MAK: variants seen among roughly 807,000 people sequenced by gnomAD.
MAK encodes the protein male germ cell associated kinase, also known as serine/threonine-protein kinase MAK.
In MAK, 65 loss-of-function variants were observed where a neutral mutation model predicts 82.6. The observed-to-expected ratio is 0.79, with a 90% CI of 0.64 to 0.97. MAK has a LOEUF of 0.97. Among genes scored for constraint, MAK ranks in the 50% least tolerant of loss-of-function variants. MAK has a pLI of 0.00. For missense variants in MAK, 703 were observed against 780.2 expected, an observed-to-expected ratio of 0.90 and a Z score of 1.18; for synonymous variants, 250 against 274.2, an observed-to-expected ratio of 0.91 and a Z score of 0.87.
At chr6:10,772,935 T>C (rs1773147943) in intron 13 of MAK, 99 bp downstream of exon 13, 6 of 765,472 alleles carry the variant, frequency 7.8e-6, no homozygotes, top group African/African-American at 6.9e-5. Flanking sequence ...AAGCGGATCA[T>C]CTCGGCCTTT....
In MAK at chr6:10,763,453, G is replaced by A. The variant is rs2127499830; in HGVS notation, c.*999C>T. The A allele has an allele frequency of 6.6e-6, 1 of 152,064 alleles. No homozygotes were observed. The highest frequency in any genetic ancestry group is 1.5e-5 in the Non-Finnish European group (1 of 68,016). 9.4% of individuals were successfully genotyped at this position (152,064 alleles called of 1,614,324 possible). ...GCTTGATTGTCACCTTGAATTCATG[G>A]GAACTGTACTGGTCAAGATCAAAAC... On this transcript the variant is annotated 3_prime_UTR_variant, in exon 15 of 15. Transcript: ENST00000354489.
chr6:10,782,259 C>CACACACACA (rs1774069847), intron 11 of MAK, among the ~76,000 whole-genome samples: 1 of 151,090 alleles, frequency 6.6e-6, no homozygotes, highest in African/African-American at 2.4e-5. Flanking sequence ...CAGACACACA[C>CACACACACA]CAAAACTATT....
At chr6:10,816,186 C>T (rs1777491524) in intron 4 of MAK, among the ~76,000 whole-genome samples, 1 of 151,758 alleles carries the variant, frequency 6.6e-6, no homozygotes, top group Admixed American at 6.6e-5. Context: ...ATCTTCTCAC[C>T]TCAGCCTCCA....
At chr6:10,792,317 G>A (rs531884586) in intron 9 of MAK, among the ~76,000 whole-genome samples, 1 of 152,328 alleles carries the variant, frequency 6.6e-6, no homozygotes, top group Admixed American at 6.5e-5. Flanking sequence ...TGTGGCCACA[G>A]GAATGAAAGC....
In MAK at chr6:10,808,967, A is replaced by G; in HGVS notation, c.359-25T>C. On this transcript the variant is annotated intron_variant, in intron 5 of 14. Coordinates refer to ENST00000354489, the MANE Select transcript of MAK (RefSeq NM_001242957.3). Reference sequence around the variant, plus strand: ...CCTTGATGATATACGGAGAAAAAAAAATACAGTAAATCATTACGTTTAAAC... The same window carrying G: ...CCTTGATGATATACGGAGAAAAAAAGATACAGTAAATCATTACGTTTAAAC... 3 of 1,589,886 alleles carry G rather than the reference A, an allele frequency of 1.9e-6. No individual in the cohort carries two copies. The South Asian group carries it at 3.3e-5, about 18-fold the overall frequency.
chr6:10,798,778 A>G (rs1264024318), intron 8 of MAK, among the ~76,000 whole-genome samples: 4 of 151,666 alleles, frequency 2.6e-5, no homozygotes, highest in Admixed American at 2.0e-4. Flanking sequence ...TTAAAGATGC[A>G]CATAACCTAA....
intron 1 of MAK, among the ~76,000 whole-genome samples, chr6:10,832,776 G>A (rs925758369): frequency 6.6e-6 from 1 of 152,148 alleles, no homozygotes; most frequent in African/African-American, 2.4e-5. Context: ...TGGGATTACA[G>A]GTGTGAGCTA....
At position 10,784,580 on chromosome 6, in the gene MAK, G is replaced by A. The variant is rs1441855666; in HGVS notation, c.1317-8C>T. 2 of 1,611,954 alleles carry A rather than the reference G, an allele frequency of 1.2e-6. No individual in the cohort carries two copies. The highest frequency in any genetic ancestry group is 2.7e-5 in the African/African-American group (2 of 74,528). ...GGTACTGGCTCTGGAAGCCTTGAAA[G>A]CCAATGAAAGGTAGCATTACAGCAC... is the stretch of plus-strand genomic sequence containing the variant. On this transcript the variant is annotated splice_polypyrimidine_tract_variant and splice_region_variant and intron_variant, in intron 10 of 14. Transcript: ENST00000354489.
intron 4 of MAK, among the ~76,000 whole-genome samples, chr6:10,815,549 A>G (rs1319693397): frequency 3.9e-5 from 6 of 152,108 alleles, no homozygotes; most frequent in Non-Finnish European, 1.5e-5. Flanking sequence ...CTGGAGCCCA[A>G]GAGGTCGAGG....
Position 10,774,482 on chromosome 6 carries a change from C to T in MAK, c.1597+846G>A, listed in dbSNP as rs574892020. On this transcript the variant is annotated intron_variant, in intron 12 of 14. Transcript: ENST00000354489. ...TTTTCTTCCTTTTTGGAGACAGAAG[C>T]ATTAAGAAATCTTGCTAATACAAAT... 2.0e-5 allele frequency among the ~76,000 whole-genome samples: 3 copies of T among 152,162 alleles called. No homozygotes were observed. In the East Asian group the frequency reaches 5.8e-4, roughly 29 times the overall value.
Position 10,811,260 on chromosome 6 carries a change from A to G in MAK, c.359-2318T>C, listed in dbSNP as rs145208397. ...GTGATCCGCCTGCCTTGGCCTCCCAAAGTGCTGGGATTGCAGGCGTGAGCC... is the reference window on the plus strand; with the variant it reads ...GTGATCCGCCTGCCTTGGCCTCCCAGAGTGCTGGGATTGCAGGCGTGAGCC... On this transcript the variant is annotated intron_variant, in intron 5 of 14. Coordinates refer to ENST00000354489, the MANE Select transcript of MAK (RefSeq NM_001242957.3). Among the ~76,000 whole-genome samples, 91 of 152,370 alleles carry G rather than the reference A, an allele frequency of 6.0e-4. 1 individual carries two copies. In the East Asian group the frequency reaches 8.7e-3, roughly 15 times the overall value.
rs9356982 is a variant in MAK at position 10,785,960 on chromosome 6, C to A, written c.1317-1388G>T. On this transcript the variant is annotated intron_variant, in intron 10 of 14. Coordinates refer to ENST00000354489, the MANE Select transcript of MAK (RefSeq NM_001242957.3). ...TTTTTGTTCACTTTTAAGAAGACAA[C>A]CAGGCTGGGTGCAGTGGCTCACGCC... 2.1e-4 allele frequency among the ~76,000 whole-genome samples: 32 copies of A among 152,244 alleles called. 1 individual carries two copies. In the East Asian group the frequency reaches 5.2e-3, roughly 25 times the overall value.
intron 1 of MAK, among the ~76,000 whole-genome samples, chr6:10,834,239 CTGAT>C (rs375521119): frequency 5.9e-5 from 9 of 152,188 alleles, no homozygotes; most frequent in African/African-American, 1.4e-4. Context: ...CTGATTCTTT[CTGAT>C]TAAGTAAGCA....
chr6:10,800,113 A>G lies in MAK; in HGVS notation c.831+1779T>C. Among the ~76,000 whole-genome samples, 1 of 151,982 alleles carries G rather than the reference A, an allele frequency of 6.6e-6. No individual in the cohort carries two copies. The highest frequency in any genetic ancestry group is 1.5e-5 in the Non-Finnish European group (1 of 68,000). On this transcript the variant is annotated intron_variant, in intron 8 of 14. Coordinates refer to ENST00000354489, the MANE Select transcript of MAK (RefSeq NM_001242957.3). The surrounding 1 kb of genome is among the most constrained non-coding windows in gnomAD (Gnocchi z 4.2). Reference sequence around the variant, plus strand: ...CCCCTCTGGTCTCTACAAAAATACAAAAATAAGCCAAGCGTGGTGGCGGGC... The same window carrying G: ...CCCCTCTGGTCTCTACAAAAATACAGAAATAAGCCAAGCGTGGTGGCGGGC...
chr6:10,829,676 A>G lies in MAK; in HGVS notation c.101+872T>C, dbSNP rs1257546489. Among the ~76,000 whole-genome samples, 3 of 152,362 alleles carry G rather than the reference A, an allele frequency of 2.0e-5. No homozygotes were observed. In the East Asian group the frequency reaches 5.8e-4, roughly 29 times the overall value. On this transcript the variant is annotated intron_variant, in intron 2 of 14. Coordinates refer to ENST00000354489, the MANE Select transcript of MAK (RefSeq NM_001242957.3). ...TATACATATAAAAAAGGAGGCACTC[A>G]TATTTTTTGGTTTATCAGTGTAGCT...
At chr6:10,797,560 T>A in intron 8 of MAK, 1 of 980,864 alleles carries the variant, frequency 1.0e-6, no homozygotes, top group Non-Finnish European at 1.2e-6. Context: ...TTCTACAGAA[T>A]GTCTAAAGCC....
At chr6:10,835,807 A>G (rs1314939960) in intron 1 of MAK, among the ~76,000 whole-genome samples, 1 of 152,156 alleles carries the variant, frequency 6.6e-6, no homozygotes, top group Non-Finnish European at 1.5e-5. Context: ...AAAGAGTGAC[A>G]AAAAAATCAC....
chr6:10,797,173 A>G (rs1775635769), intron 8 of MAK, among the ~76,000 whole-genome samples: 2 of 152,220 alleles, frequency 1.3e-5, no homozygotes, highest in Admixed American at 6.5e-5. Flanking sequence ...GTTGAAGTTT[A>G]TTTCATCGGT....
intron 5 of MAK, among the ~76,000 whole-genome samples, chr6:10,813,124 ATATATATATAAATTTTTTTT>A (rs1554183586): frequency 1.2e-3 from 1 of 816 alleles, no homozygotes; most frequent in East Asian, 0.062. Flanking sequence ...ATATATATAT[ATATATATATAAATTTTTTTT>A]TTTTTTTTTT....
Sources: gnomAD v4.1 joint callset for allele counts (sites outside exome capture counted in the v4.1 genomes callset) on GRCh38, gnomAD v4.1.1 for gene constraint, Gnocchi (gnomAD v3.1) non-coding constraint, MANE v1.5 for transcripts, NCBI Gene and HGNC (gene_info 2026-07-23, HGNC 2026-07-21) for gene names.